The following GLYATL1 variants were observed in gnomAD, a reference collection of about 807,000 sequenced individuals.
GLYATL1 encodes glycine-N-acyltransferase like 1.
In GLYATL1, 15 loss-of-function variants were observed where a neutral mutation model predicts 20.0. The ratio of observed to expected loss-of-function variants is 0.75; its 90% CI spans 0.50 to 1.15. The LOEUF is 1.15. Among genes scored for constraint, GLYATL1 ranks in the 50% most tolerant of loss-of-function variants. The pLI is 0.00. For synonymous variants in GLYATL1, 151 were observed against 131.5 expected (o/e 1.15, Z -1.01); for missense variants, 380 against 368.5 (o/e 1.03, Z -0.26).
At chr11:58,944,678 T>C (rs899709639) in intron 2 of GLYATL1, among the ~76,000 whole-genome samples, 1 of 152,200 alleles carries the variant, frequency 6.6e-6, no homozygotes, top group African/African-American at 2.4e-5. Flanking sequence ...GTAAAAGTTA[T>C]ATATTTTGAT....
At position 58,943,428 on chromosome 11, in the gene GLYATL1, C is replaced by T. The variant is rs1047080153; in HGVS notation, c.-166-115C>T. The T allele has an allele frequency of 2.6e-6, 4 of 1,526,342 alleles. No homozygotes were observed. In the African/African-American group the frequency reaches 5.6e-5, roughly 21 times the overall value. 94.5% of individuals were successfully genotyped at this position (1,526,342 alleles called of 1,614,324 possible). ...ATAAATTCATTTTGACCACGAGGCA[C>T]CCCCGGAGCCTCGGTGAATCTGCTG... is the stretch of plus-strand genomic sequence containing the variant. On this transcript the variant is annotated intron_variant, in intron 1 of 6. Transcript: ENST00000532726.
At chr11:58,911,835 T>C (rs972219108), downstream of GLYATL1, among the ~76,000 whole-genome samples, 1 of 152,252 alleles carries the variant, frequency 6.6e-6, no homozygotes, top group African/African-American at 2.4e-5. Context: ...AAGTTTACTT[T>C]ATATGTTTAT....
chr11:58,953,898 C>T (rs1376915935), intron 4 of GLYATL1, among the ~76,000 whole-genome samples: 1 of 152,210 alleles, frequency 6.6e-6, no homozygotes, highest in Non-Finnish European at 1.5e-5. Flanking sequence ...AGAGAAACAT[C>T]CTCATCTTCC....
At chr11:58,936,874 C>T (rs1024735269), upstream of GLYATL1, among the ~76,000 whole-genome samples, 2 of 152,172 alleles carry the variant, frequency 1.3e-5, no homozygotes, top group South Asian at 2.1e-4. Context: ...TCCGGAGGCA[C>T]TGAAACCTCA....
In GLYATL1 at chr11:58,921,706, C is replaced by T. The variant is rs117647933; in HGVS notation, n.264+16045C>T. On this transcript the variant is annotated intron_variant and non_coding_transcript_variant, in intron 1 of 2. Transcript: ENST00000534674. Reference sequence around the variant, plus strand: ...CAGCTTCTCTTCCTGTGAGGTCTGCCGCTGGCTAATCAGCCTTTTTCCCAA... The same window carrying T: ...CAGCTTCTCTTCCTGTGAGGTCTGCTGCTGGCTAATCAGCCTTTTTCCCAA... 8.3e-3 allele frequency among the ~76,000 whole-genome samples: 1,261 copies of T among 152,278 alleles called. 17 individuals carry two copies. The highest frequency in any genetic ancestry group is 0.05 in the South Asian group (241 of 4,820).
At chr11:58,950,407 A>G (rs1451847138) in intron 4 of GLYATL1, among the ~76,000 whole-genome samples, 1 of 152,198 alleles carries the variant, frequency 6.6e-6, no homozygotes, top group African/African-American at 2.4e-5. Flanking sequence ...ATACAGCACT[A>G]AAGTATTCGT....
chr11:58,955,560 AT>A (rs1268294188), intron 6 of GLYATL1, 49 bp from the exon 7 acceptor site: 1 of 1,576,542 alleles, frequency 6.3e-7, no homozygotes, highest in East Asian at 2.2e-5. Flanking sequence ...GCACCTAGAA[AT>A]TACAGGATTG....
intron 1 of GLYATL1, chr11:58,928,446 T>C (rs1778221598): frequency 6.6e-6 from 1 of 152,228 alleles, no homozygotes; most frequent in South Asian, 2.1e-4. Context: ...TAGCTTGCCT[T>C]ACAAGGGGCT....
At chr11:58,910,685 T>C (rs1483338908), downstream of GLYATL1, among the ~76,000 whole-genome samples, 4 of 152,226 alleles carry the variant, frequency 2.6e-5, no homozygotes, top group South Asian at 8.3e-4. Flanking sequence ...AGCAAGGGAA[T>C]AAAAATTTAG....
chr11:58,918,251 A>G (rs918289975), intron 1 of GLYATL1, among the ~76,000 whole-genome samples: 2 of 152,172 alleles, frequency 1.3e-5, no homozygotes, highest in African/African-American at 4.8e-5. Flanking sequence ...TTTTAAATCC[A>G]CCAAAGAATG....
chr11:58,947,397 T>A (rs1590802114), intron 3 of GLYATL1: 1 of 571,696 alleles, frequency 1.7e-6, no homozygotes, highest in East Asian at 2.9e-5. Flanking sequence ...TGGAGCATGG[T>A]GGCTACGAAC....
exon 2 of GLYATL1, chr11:58,908,212 T>A (rs1428310193): frequency 1.3e-5 from 2 of 152,160 alleles, no homozygotes; most frequent in Non-Finnish European, 2.9e-5. Context: ...GTTCTGCCTG[T>A]TTCCCCTCCC....
chr11:58,952,245 A>T (rs1857045656), intron 4 of GLYATL1, among the ~76,000 whole-genome samples: 1 of 152,052 alleles, frequency 6.6e-6, no homozygotes, highest in Non-Finnish European at 1.5e-5. Flanking sequence ...CAATTTATAC[A>T]CTCATGTAAT....
At chr11:58,918,794 C>T (rs994077043) in intron 1 of GLYATL1, among the ~76,000 whole-genome samples, 7 of 152,206 alleles carry the variant, frequency 4.6e-5, no homozygotes, top group Non-Finnish European at 1.0e-4. Context: ...GCAGGGCTTG[C>T]TGTTTTATCA....
chr11:58,948,004 C>T (rs763821311), intron 4 of GLYATL1, 39 bp downstream of exon 4: 2 of 1,382,094 alleles, frequency 1.4e-6, no homozygotes, highest in South Asian at 2.3e-5. Flanking sequence ...CCAGGCAGGT[C>T]CACAGGGCCT....
intron 1 of GLYATL1, among the ~76,000 whole-genome samples, chr11:58,930,507 T>TA (rs1205778859): frequency 6.6e-6 from 1 of 152,190 alleles, no homozygotes; most frequent in Non-Finnish European, 1.5e-5. Flanking sequence ...GATTTATAGA[T>TA]AAAATATTAG....
Position 58,943,290 on chromosome 11 carries a change from G to T in GLYATL1, c.-166-253G>T, listed in dbSNP as rs1179857289. 2.6e-6 allele frequency: 4 copies of T among 1,549,538 alleles called. No individual in the cohort carries two copies. The South Asian group carries it at 4.8e-5, about 19-fold the overall frequency. On this transcript the variant is annotated intron_variant, in intron 1 of 6. Coordinates refer to ENST00000532726, the MANE Select transcript of GLYATL1 (RefSeq NM_001389712.2). ...AGCAGCCATACTTCAACTACTCATA[G>T]ACTGCTGAATGTTCAAACTGTGTTC...
At chr11:58,919,364 C>T (rs1435682664) in intron 1 of GLYATL1, among the ~76,000 whole-genome samples, 1 of 152,182 alleles carries the variant, frequency 6.6e-6, no homozygotes, top group Non-Finnish European at 1.5e-5. Context: ...AGATGAGTTT[C>T]CTAACAAAAT....
chr11:58,906,084 C>T (rs1470010578), intron 1 of GLYATL1, among the ~76,000 whole-genome samples: 1 of 152,208 alleles, frequency 6.6e-6, no homozygotes, highest in African/African-American at 2.4e-5. Flanking sequence ...CTAGCACGTG[C>T]ACTGTCTGGT....
Sources: allele counts gnomAD v4.1 joint callset (sites outside exome capture counted in the v4.1 genomes callset), GRCh38; gene constraint gnomAD v4.1.1; transcripts MANE v1.5; gene names NCBI Gene and HGNC (gene_info 2026-07-23, HGNC 2026-07-21).